The following MRPL19 variants were observed in gnomAD, a reference collection of about 807,000 sequenced individuals.
MRPL19 encodes mitochondrial ribosomal protein L19.
A neutral mutation model predicts 34.0 loss-of-function variants in MRPL19; 31 were observed. That is an observed-to-expected ratio of 0.91 (90% confidence interval 0.68 to 1.23). The LOEUF (loss-of-function observed/expected upper bound fraction) is 1.23, where lower values mean the gene tolerates loss of function less well. Among genes scored for constraint, MRPL19 ranks in the 50% most tolerant of loss-of-function variants. The pLI, the probability that MRPL19 is intolerant of heterozygous loss-of-function variation, is 0.00. For synonymous variants in MRPL19, 152 were observed against 127.7 expected, an observed-to-expected ratio of 1.19 and a Z score of -1.28; for missense variants, 384 against 367.6, an observed-to-expected ratio of 1.04 and a Z score of -0.37.
intron 2 of MRPL19, among the ~76,000 whole-genome samples, chr2:75,648,675 T>A (rs1351248961): frequency 6.7e-6 from 1 of 149,422 alleles, no homozygotes; most frequent in Non-Finnish European, 1.5e-5. Flanking sequence ...CTGGCCAACA[T>A]GGCGAAACCC....
intron 4 of MRPL19, 49 bp downstream of exon 4, chr2:75,652,706 A>G: frequency 1.3e-6 from 2 of 1,571,922 alleles, no homozygotes; most frequent in East Asian, 4.6e-5. Flanking sequence ...TTATCTCAGG[A>G]TTCCTTTTTG....
At chr2:75,650,846 A>G (rs1678317204) in intron 2 of MRPL19, among the ~76,000 whole-genome samples, 1 of 152,206 alleles carries the variant, frequency 6.6e-6, no homozygotes, top group African/African-American at 2.4e-5. Context: ...TCTAGAGGGC[A>G]GAAAGATACA....
chr2:75,649,403 A>AT (rs952770523), intron 2 of MRPL19, among the ~76,000 whole-genome samples: 7 of 151,542 alleles, frequency 4.6e-5, no homozygotes, highest in South Asian at 2.1e-4. Flanking sequence ...AACATATGAG[A>AT]TTTTTTTTGT....
In MRPL19 at chr2:75,658,539, A is replaced by G. The variant is rs756963369; in HGVS notation, c.*3254A>G. On this transcript the variant is annotated 3_prime_UTR_variant, in exon 6 of 6. Coordinates refer to ENST00000393909, the MANE Select transcript of MRPL19 (RefSeq NM_014763.4). ...ACATCTTGAGTAGAATTGCTAGATA[A>G]TGTCATGTTTTATTTCTCTTGTGAT... Among the ~76,000 whole-genome samples the G allele has an allele frequency of 4.8e-4, 73 of 152,228 alleles. No homozygotes were observed. Among genetic ancestry groups the G allele is most frequent in the Middle Eastern group, 6.8e-3 (2 of 294 alleles).
Position 75,659,676 on chromosome 2 carries a change from GCACTTTAAATATGTCATCC to G in MRPL19, c.*4396_*4414del, listed in dbSNP as rs556586954. On this transcript the variant is annotated 3_prime_UTR_variant, in exon 6 of 6. Transcript: ENST00000393909. ...TTTTGGTAACAGTATTTTTCTTTCA[GCACTTTAAATATGTCATCC>G]CACTACCTTCTGACTTCATGGTTTC... is the stretch of plus-strand genomic sequence containing the variant. Among the ~76,000 whole-genome samples, 1 of 152,042 alleles carries G rather than the reference GCACTTTAAATATGTCATCC, an allele frequency of 6.6e-6. No individual in the cohort carries two copies. The highest frequency in any genetic ancestry group is 6.5e-5 in the Admixed American group (1 of 15,270).
chr2:75,653,160 G>C (rs1172305314), intron 4 of MRPL19, among the ~76,000 whole-genome samples: 1 of 152,170 alleles, frequency 6.6e-6, no homozygotes, highest in Non-Finnish European at 1.5e-5. Context: ...AGAGGAACAA[G>C]GAGTAAAACT....
Position 75,655,110 on chromosome 2 carries a change from G to A in MRPL19, c.704G>A (p.Arg235His), listed in dbSNP as rs199948945. The change falls in exon 6 of 6, where the codon CGT becomes CAT. Residue 235 changes from arginine to histidine, a missense_variant. Arg to His is a conservative substitution (Grantham distance 29). Transcript: ENST00000393909. The part of the protein sequence containing the change: ...KPKPWSKRWE[R>H]PNFNIKGIRF... Reference sequence around the variant, plus strand: ...AAGCCCTGGTCTAAACGCTGGGAACGTCCAAATTTTAATATTAAAGGAATC... The same window carrying A: ...AAGCCCTGGTCTAAACGCTGGGAACATCCAAATTTTAATATTAAAGGAATC... The A allele has an allele frequency of 2.8e-5, 45 of 1,606,834 alleles. No homozygotes were observed. The African/African-American group carries it at 4.0e-4, about 14-fold the overall frequency.
rs534741206 is a variant in MRPL19 at position 75,652,596 on chromosome 2, T to A, written c.414T>A (p.Ile138=). 4.3e-6 allele frequency: 7 copies of A among 1,613,916 alleles called. No homozygotes were observed. The African/African-American group carries it at 8.0e-5, about 18-fold the overall frequency. ...TCAGCCAGTTTCTGGGGATTTGCAT[T>A]CAGAGATCAGGAAGAGGACTTGGAG... is the stretch of plus-strand genomic sequence containing the variant. ...GKISQFLGIC[I]QRSGRGLGAT... is the part of the protein sequence containing the mutation. The change falls in exon 4 of 6, where the codon ATT becomes ATA. Residue 138 remains isoleucine, a synonymous_variant. Transcript: ENST00000393909.
At chr2:75,650,079 A>T (rs1678300894) in intron 2 of MRPL19, among the ~76,000 whole-genome samples, 1 of 152,206 alleles carries the variant, frequency 6.6e-6, no homozygotes, top group Admixed American at 6.5e-5. Flanking sequence ...TCAAAGTAGA[A>T]AATTGAGGAA....
In MRPL19 at chr2:75,654,828, T is replaced by C. The variant is rs1678404860; in HGVS notation, c.568T>C (p.Leu190=). The C allele has an allele frequency of 6.2e-7, 1 of 1,613,790 alleles. No individual in the cohort carries two copies. Among genetic ancestry groups the C allele is most frequent in the East Asian group, 2.2e-5 (1 of 44,870 alleles). The part of the protein sequence containing the change: ...EKRLDDSLLY[L]RDALPEYSTF... The stretch of plus-strand genomic sequence containing the variant: ...ACGGCTGGATGATAGCTTGCTATAC[T>C]TACGAGATGCCCTTCCTGAATATAG... The change falls in exon 5 of 6, where the codon TTA becomes CTA. Residue 190 remains leucine, a synonymous_variant. Coordinates refer to ENST00000393909, the MANE Select transcript of MRPL19 (RefSeq NM_014763.4).
chr2:75,650,441 G>A (rs1678307544), intron 2 of MRPL19, among the ~76,000 whole-genome samples: 1 of 152,074 alleles, frequency 6.6e-6, no homozygotes, highest in Non-Finnish European at 1.5e-5. Context: ...AGCAACTTAG[G>A]GAAATCAAAA....
At chr2:75,648,581 C>T (rs994585660) in intron 2 of MRPL19, among the ~76,000 whole-genome samples, 3 of 151,910 alleles carry the variant, frequency 2.0e-5, no homozygotes, top group African/African-American at 4.8e-5. Flanking sequence ...AACTATAGGC[C>T]GGGTGCGGTG....
In MRPL19 at chr2:75,647,132, G is replaced by T; in HGVS notation, c.134G>T (p.Ser45Ile). The change falls in exon 2 of 6, where the codon AGC (serine) becomes ATC (isoleucine). Residue 45 changes from serine to isoleucine, a missense_variant. Coordinates refer to ENST00000393909, the MANE Select transcript of MRPL19 (RefSeq NM_014763.4). Reference protein sequence around the residue: ...RVHAGPVRQQSTGPSEPGAFQ... With the variant: ...RVHAGPVRQQITGPSEPGAFQ... Reference sequence around the variant, plus strand: ...CACGCGGGGCCTGTCCGGCAGCAGAGCACTGGGCCTTCCGAGCCCGGTGCG... The same window carrying T: ...CACGCGGGGCCTGTCCGGCAGCAGATCACTGGGCCTTCCGAGCCCGGTGCG... 1.3e-6 allele frequency: 2 copies of T among 1,584,858 alleles called. No homozygotes were observed. Among genetic ancestry groups the T allele is most frequent in the Non-Finnish European group, 8.6e-7 (1 of 1,164,842 alleles).
rs1019264946 is a variant in MRPL19 at position 75,658,880 on chromosome 2, A to G, written c.*3595A>G. Among the ~76,000 whole-genome samples the G allele has an allele frequency of 2.6e-5, 4 of 151,284 alleles. No individual in the cohort carries two copies. Among genetic ancestry groups the G allele is most frequent in the African/African-American group, 7.4e-5 (3 of 40,806 alleles). On this transcript the variant is annotated 3_prime_UTR_variant, in exon 6 of 6. Transcript: ENST00000393909. ...ATTTTTGCACAGAGTATCTTTTTCT[A>G]TGTGTTCCATGTATTTGTGTCTTTG...
Position 75,652,554 on chromosome 2 carries a change from A to G in MRPL19, c.372A>G (p.Pro124=), listed in dbSNP as rs751248588. 6 of 1,613,984 alleles carry G rather than the reference A, an allele frequency of 3.7e-6. No homozygotes were observed. In the South Asian group the frequency reaches 4.4e-5, roughly 12 times the overall value. Residue 124 remains proline (P), a synonymous_variant, in exon 4 of 6, where the codon CCA becomes CCG. Transcript: ENST00000393909. ...GSILRVTTAD[P]YASGKISQFL... ...TTCTTCGTGTTACTACAGCTGACCC[A>G]TATGCCAGTGGAAAAATCAGCCAGT... is the stretch of plus-strand genomic sequence containing the variant.
intron 5 of MRPL19, 27 bp from the exon 6 acceptor site, chr2:75,655,030 CTTTTTTT>C (rs35367062): frequency 1.9e-4 from 220 of 1,156,778 alleles, no homozygotes; most frequent in Non-Finnish European, 2.4e-4. Flanking sequence ...CTAATTATTG[CTTTTTTT>C]TTTTTTTTTT....
intron 2 of MRPL19, chr2:75,647,490 C>T: frequency 4.8e-6 from 2 of 419,338 alleles, no homozygotes; most frequent in Non-Finnish European, 8.5e-6. Flanking sequence ...TGTCCTGTAC[C>T]AGAGTTTTTC....
rs181641473 is a variant in MRPL19, at chr2:75,658,411, C to T, written c.*3126C>T. Among the ~76,000 whole-genome samples the T allele has an allele frequency of 1.2e-3, 178 of 152,254 alleles. No homozygotes were observed. The highest frequency in any genetic ancestry group is 4.2e-3 in the African/African-American group (173 of 41,540). The stretch of plus-strand genomic sequence containing the variant: ...TTTTGTTCATCCATCTTCTGATGAA[C>T]ACTGGGATATGTCTACCTTTTGGCT... On this transcript the variant is annotated 3_prime_UTR_variant, in exon 6 of 6. Transcript: ENST00000393909.
In MRPL19 at chr2:75,658,805, C is replaced by G. The variant is rs749229497; in HGVS notation, c.*3520C>G. ...GTTGACTGTAGTTTTCTATATGTCT[C>G]TTAGGTCAAGGTGGTTTACAATGTG... On this transcript the variant is annotated 3_prime_UTR_variant, in exon 6 of 6. Coordinates refer to ENST00000393909, the MANE Select transcript of MRPL19 (RefSeq NM_014763.4). Among the ~76,000 whole-genome samples, 33 of 152,040 alleles carry G rather than the reference C, an allele frequency of 2.2e-4. No homozygotes were observed. Among genetic ancestry groups the G allele is most frequent in the Non-Finnish European group, 3.5e-4 (24 of 67,994 alleles).
Sources: gnomAD v4.1 joint callset for allele counts (sites outside exome capture counted in the v4.1 genomes callset) on GRCh38, gnomAD v4.1.1 for gene constraint, MANE v1.5 for transcripts, NCBI Gene and HGNC (gene_info 2026-07-23, HGNC 2026-07-21) for gene names.